The following ARHGAP10 variants were observed in gnomAD, a reference collection of about 807,000 sequenced individuals.
ARHGAP10 encodes Rho GTPase activating protein 10.
Under a neutral mutation model 108.6 loss-of-function variants are expected in ARHGAP10, and 87 were observed. The ratio of observed to expected loss-of-function variants is 0.80; its 90% CI spans 0.67 to 0.96. ARHGAP10 has a LOEUF of 0.96. ARHGAP10 is among the 40% of genes least tolerant of loss of function. ARHGAP10 has a pLI of 0.00. For missense variants in ARHGAP10, 939 were observed against 954.5 expected (o/e 0.98, Z 0.21); for synonymous variants, 347 against 341.1 (o/e 1.02, Z -0.19).
chr4:147,750,029 T>C (rs1729078424), intron 1 of ARHGAP10, among the ~76,000 whole-genome samples: 1 of 152,224 alleles, frequency 6.6e-6, no homozygotes, highest in South Asian at 2.1e-4. Context: ...TGATTTATCT[T>C]GACAAGCAAA....
At chr4:147,926,409 CT>C (rs1190117781) in intron 13 of ARHGAP10, among the ~76,000 whole-genome samples, 1 of 152,092 alleles carries the variant, frequency 6.6e-6, no homozygotes, top group African/African-American at 2.4e-5. Context: ...TGATGACCTG[CT>C]GGATATTGGA....
At chr4:147,766,577 T>A (rs1729824110) in intron 1 of ARHGAP10, among the ~76,000 whole-genome samples, 1 of 147,282 alleles carries the variant, frequency 6.8e-6, no homozygotes, top group South Asian at 2.3e-4. Context: ...TGTGTGTGTA[T>A]ATATACACAT....
intron 1 of ARHGAP10, among the ~76,000 whole-genome samples, chr4:147,778,779 C>T (rs1730412491): frequency 6.6e-6 from 1 of 152,162 alleles, no homozygotes; most frequent in African/African-American, 2.4e-5. Context: ...TATCCTCTTG[C>T]TCCATTTCAT....
intron 13 of ARHGAP10, among the ~76,000 whole-genome samples, chr4:147,927,691 C>T (rs527328766): frequency 6.6e-6 from 1 of 152,254 alleles, no homozygotes; most frequent in African/African-American, 2.4e-5. Flanking sequence ...CCTATGGCAG[C>T]AGAAACAGGG....
chr4:147,898,313 A>G (rs914007367), intron 10 of ARHGAP10, among the ~76,000 whole-genome samples: 5 of 151,920 alleles, frequency 3.3e-5, no homozygotes, highest in Non-Finnish European at 1.5e-5. Flanking sequence ...CCCCTTATAC[A>G]TCTTAAAGAA....
intron 10 of ARHGAP10, among the ~76,000 whole-genome samples, chr4:147,901,825 A>G (rs545212922): frequency 6.6e-5 from 10 of 152,292 alleles, no homozygotes; most frequent in African/African-American, 2.4e-4. Flanking sequence ...TTGCTGCTCT[A>G]TGTGTAACTG....
Position 147,843,769 on chromosome 4 carries a change from G to A in ARHGAP10, c.313-3382G>A, listed in dbSNP as rs980257913. Among the ~76,000 whole-genome samples, 5 of 152,144 alleles carry A rather than the reference G, an allele frequency of 3.3e-5. No individual in the cohort carries two copies. The South Asian group carries it at 6.2e-4, about 19-fold the overall frequency. Reference sequence around the variant, plus strand: ...TGACCTCAGGTGATCCACCTGCCTCGGCCTCCCAAAGTGGGATTACAGGCG... The same window carrying A: ...TGACCTCAGGTGATCCACCTGCCTCAGCCTCCCAAAGTGGGATTACAGGCG... On this transcript the variant is annotated intron_variant, in intron 3 of 22. Transcript: ENST00000336498.
chr4:147,792,140 C>T (rs1731149464), intron 1 of ARHGAP10, among the ~76,000 whole-genome samples: 1 of 152,226 alleles, frequency 6.6e-6, no homozygotes, highest in Admixed American at 6.5e-5. Context: ...AGTCAGATTA[C>T]ATTCCCTCTG....
intron 20 of ARHGAP10, among the ~76,000 whole-genome samples, chr4:148,048,320 G>A (rs1728977016): frequency 6.6e-6 from 1 of 152,202 alleles, no homozygotes; most frequent in Admixed American, 6.5e-5. Context: ...TATTAAGAGA[G>A]GCTGGGAGAC....
At position 147,752,868 on chromosome 4, in the gene ARHGAP10, G is replaced by A. The variant is rs114569961; in HGVS notation, c.154+20413G>A. ...CTGATCTGGGCCTTTGATTAAATTT[G>A]CTGCTTATCTCATGCCTGTGTTGCC... is the stretch of plus-strand genomic sequence containing the variant. On this transcript the variant is annotated intron_variant, in intron 1 of 22. Transcript: ENST00000336498. Among the ~76,000 whole-genome samples, 273 of 152,266 alleles carry A rather than the reference G, an allele frequency of 1.8e-3. 1 individual carries two copies. Among genetic ancestry groups the A allele is most frequent in the African/African-American group, 6.4e-3 (267 of 41,540 alleles).
intron 4 of ARHGAP10, among the ~76,000 whole-genome samples, chr4:147,855,544 T>C (rs1283953262): frequency 2.6e-5 from 4 of 152,216 alleles, no homozygotes; most frequent in Non-Finnish European, 4.4e-5. Flanking sequence ...AAAATACAAC[T>C]TCTGCTTTTT....
At chr4:147,936,324 T>C (rs1163091538) in intron 13 of ARHGAP10, among the ~76,000 whole-genome samples, 8 of 127,612 alleles carry the variant, frequency 6.3e-5, no homozygotes. Context: ...TCTCTTTTTT[T>C]TTTTTTTTTT....
chr4:147,773,047 G>T (rs1230679985), intron 1 of ARHGAP10, among the ~76,000 whole-genome samples: 1 of 152,182 alleles, frequency 6.6e-6, no homozygotes, highest in Non-Finnish European at 1.5e-5. Context: ...TTTATGTACA[G>T]AGTATTTGGG....
At chr4:147,967,998 A>G (rs1420689116) in intron 18 of ARHGAP10, among the ~76,000 whole-genome samples, 1 of 152,236 alleles carries the variant, frequency 6.6e-6, no homozygotes, top group Non-Finnish European at 1.5e-5. Context: ...AGAAGGTTTC[A>G]TTAATATTTG....
At chr4:147,913,990 T>C (rs1736856511) in intron 13 of ARHGAP10, among the ~76,000 whole-genome samples, 3 of 152,032 alleles carry the variant, frequency 2.0e-5, no homozygotes, top group Admixed American at 6.6e-5. Flanking sequence ...CCATCTCTAC[T>C]AAAAATACAA....
chr4:148,066,025 T>C (rs1208192609), intron 22 of ARHGAP10, among the ~76,000 whole-genome samples: 7 of 145,076 alleles, frequency 4.8e-5, no homozygotes, highest in African/African-American at 1.8e-4. Flanking sequence ...TACACAATAG[T>C]AAGTGTGGAA....
chr4:148,034,512 T>C (rs2149672314), intron 19 of ARHGAP10, among the ~76,000 whole-genome samples: 1 of 151,134 alleles, frequency 6.6e-6, no homozygotes, highest in East Asian at 1.9e-4. Flanking sequence ...GTATTTTTAG[T>C]AGAGACAGGT....
At chr4:147,996,630 T>C (rs960994373) in intron 18 of ARHGAP10, among the ~76,000 whole-genome samples, 4 of 152,228 alleles carry the variant, frequency 2.6e-5, no homozygotes, top group Admixed American at 2.0e-4. Flanking sequence ...CCAGGCTGCA[T>C]AGATGCCTGG....
chr4:148,004,102 G>A (rs1404058924), intron 18 of ARHGAP10, among the ~76,000 whole-genome samples: 1 of 152,284 alleles, frequency 6.6e-6, no homozygotes, highest in Middle Eastern at 3.4e-3. Flanking sequence ...AGTGGTGCAC[G>A]CCTGTAATTC....
Sources: gnomAD v4.1 joint callset for allele counts (sites outside exome capture counted in the v4.1 genomes callset) on GRCh38, gnomAD v4.1.1 for gene constraint, MANE v1.5 for transcripts, NCBI Gene and HGNC (gene_info 2026-07-23, HGNC 2026-07-21) for gene names.